Variants in GPC1 observed in about 807,000 individuals in gnomAD.
GPC1 encodes glypican-1.
In GPC1, 26 loss-of-function variants were observed where a neutral mutation model predicts 51.5. The observed-to-expected ratio is 0.50, with a 90% CI of 0.37 to 0.70. The LOEUF is 0.70. GPC1 is among the 30% of genes least tolerant of loss of function. The pLI is 0.00. For synonymous variants in GPC1, 380 were observed against 348.3 expected, an observed-to-expected ratio of 1.09 and a Z score of -1.01; for missense variants, 775 against 800.5, an observed-to-expected ratio of 0.97 and a Z score of 0.38.
chr2:240,453,673 C>T (rs1375248511), intron 1 of GPC1, among the ~76,000 whole-genome samples: 1 of 150,894 alleles, frequency 6.6e-6, no homozygotes, highest in Non-Finnish European at 1.5e-5. Context: ...CCCGCCGCGC[C>T]CACTGCACCA....
intron 2 of GPC1, 81 bp downstream of exon 2, chr2:240,459,269 G>A (rs1236843593): frequency 7.5e-7 from 1 of 1,330,790 alleles, no homozygotes; most frequent in African/African-American, 1.4e-5. Flanking sequence ...TGCCTGGTGT[G>A]TCAATGCCAA....
chr2:240,442,794 G>A (rs1158510681), intron 1 of GPC1, among the ~76,000 whole-genome samples: 1 of 152,234 alleles, frequency 6.6e-6, no homozygotes, highest in Non-Finnish European at 1.5e-5. Context: ...CCGAGGCTCT[G>A]GGTGTTTTGT....
chr2:240,454,491 C>G (rs913098110), intron 1 of GPC1, among the ~76,000 whole-genome samples: 104 of 152,350 alleles, frequency 6.8e-4, no homozygotes, highest in African/African-American at 2.5e-3. Flanking sequence ...TCGCAGCCAT[C>G]GGCCAGCCAG....
chr2:240,436,062 C>G lies in GPC1; in HGVS notation c.144C>G (p.Asp48Glu), dbSNP rs1338195937. 1.5e-6 allele frequency: 2 copies of G among 1,327,230 alleles called. No homozygotes were observed. Among genetic ancestry groups the G allele is most frequent in the Non-Finnish European group, 1.9e-6 (2 of 1,036,708 alleles). 82.2% of individuals were successfully genotyped at this position (1,327,230 alleles called of 1,614,324 possible). ...GAGCCAAGGGCTTCAGCCTGAGCGACGTGCCCCAGGCGGAGATCTCGGGTG... is the reference window on the plus strand; with the variant it reads ...GAGCCAAGGGCTTCAGCCTGAGCGAGGTGCCCCAGGCGGAGATCTCGGGTG... ...IYGAKGFSLS[D>E]VPQAEISGEH... Residue 48 changes from aspartate to glutamate, a missense_variant, in exon 1 of 9, where the codon GAC becomes GAG. Asp to Glu is a conservative substitution (Grantham distance 45). Coordinates refer to ENST00000264039, the MANE Select transcript of GPC1 (RefSeq NM_002081.3).
Position 240,464,604 on chromosome 2 carries a change from C to T in GPC1, c.884-12C>T, listed in dbSNP as rs371587359. 30 of 1,606,692 alleles carry T rather than the reference C, an allele frequency of 1.9e-5. No individual in the cohort carries two copies. The highest frequency in any genetic ancestry group is 4.1e-5 in the African/African-American group (3 of 73,956). Reference sequence around the variant, plus strand: ...TAACGCCTGTGTGTCCGCGTGTTAACGCCTGTCCTAGACTCCATGGTGCTC... The same window carrying T: ...TAACGCCTGTGTGTCCGCGTGTTAATGCCTGTCCTAGACTCCATGGTGCTC... On this transcript the variant is annotated splice_polypyrimidine_tract_variant and intron_variant, in intron 4 of 8. Transcript: ENST00000264039.
intron 1 of GPC1, chr2:240,456,717 G>T (rs1454359811): frequency 1.1e-5 from 5 of 439,252 alleles, no homozygotes; most frequent in Non-Finnish European, 2.4e-5. Context: ...CCTGGCACAG[G>T]CCCCAGGAAA....
At chr2:240,447,861 G>T (rs1336034252) in intron 1 of GPC1, among the ~76,000 whole-genome samples, 2 of 152,148 alleles carry the variant, frequency 1.3e-5, no homozygotes, top group Non-Finnish European at 2.9e-5. Context: ...GGCCAGGCTG[G>T]GGAGCCACAT....
chr2:240,445,005 G>A (rs918306505), intron 1 of GPC1, among the ~76,000 whole-genome samples: 1 of 152,194 alleles, frequency 6.6e-6, no homozygotes, highest in Non-Finnish European at 1.5e-5. Flanking sequence ...TGCATCTCCA[G>A]TTGTCATGGA....
At position 240,467,548 on chromosome 2, in the gene GPC1, C is replaced by T. The variant is rs3792212; in HGVS notation, c.*1258C>T. The T allele has an allele frequency of 0.35, 53,504 of 152,162 alleles. 9,861 individuals are homozygous for T. Among genetic ancestry groups the T allele is most frequent in the African/African-American group, 0.45 (18,734 of 41,466 alleles). The allele number at this position is 152,162 out of a possible 1,614,324, so 9.4% of individuals were successfully genotyped here. A position where few individuals can be genotyped will look rare whatever the true frequency, so the allele number is the denominator to read the frequency against. On this transcript the variant is annotated 3_prime_UTR_variant, in exon 9 of 9. Transcript: ENST00000264039. ...TCCCTCCTGTGCCCCAGCTGCCAGGCGGCCCTGGGGAGGGGTGGTGTGGTG... is the reference window on the plus strand; with the variant it reads ...TCCCTCCTGTGCCCCAGCTGCCAGGTGGCCCTGGGGAGGGGTGGTGTGGTG...
intron 1 of GPC1, chr2:240,456,542 G>C: frequency 4.3e-6 from 2 of 462,338 alleles, no homozygotes; most frequent in East Asian, 7.0e-5. Context: ...AGCTCAGCTG[G>C]CACCTGCCAC....
intron 1 of GPC1, among the ~76,000 whole-genome samples, chr2:240,454,052 T>C (rs755006403): frequency 2.3e-5 from 3 of 132,712 alleles, no homozygotes; most frequent in Admixed American, 1.5e-4. Flanking sequence ...GTCATTTGGG[T>C]GAAATGGTGG....
chr2:240,444,566 C>T (rs1273230322), intron 1 of GPC1, among the ~76,000 whole-genome samples: 3 of 152,058 alleles, frequency 2.0e-5, no homozygotes, highest in East Asian at 1.9e-4. Context: ...CTAGCCTCCC[C>T]GGCAGGGGTG....
At position 240,448,793 on chromosome 2, in the gene GPC1, C is replaced by T. The variant is rs7594508; in HGVS notation, c.167-10237C>T. 0.018 allele frequency among the ~76,000 whole-genome samples: 2,774 copies of T among 152,164 alleles called. 78 individuals are homozygous for T. The highest frequency in any genetic ancestry group is 0.064 in the African/African-American group (2,646 of 41,486). ...GGCCTTGCAGACACCAGCCCAGCTG[C>T]CTGAGGCCCAACTAGGTTTCAGCAG... On this transcript the variant is annotated intron_variant, in intron 1 of 8. Coordinates refer to ENST00000264039, the MANE Select transcript of GPC1 (RefSeq NM_002081.3). This position sits in a 1 kb window ranked among gnomAD's most constrained non-coding sequence, Gnocchi z 4.5.
chr2:240,459,972 CAGGA>C (rs1320775812), intron 2 of GPC1, among the ~76,000 whole-genome samples: 9 of 152,218 alleles, frequency 5.9e-5, no homozygotes, highest in Admixed American at 2.0e-4. Context: ...CCTGGGCAGA[CAGGA>C]GGGAGGGAGC....
rs770731949 is a variant in GPC1, at chr2:240,450,143, T to TC, written c.167-8883dup. 5.5e-5 allele frequency: 19 copies of TC among 342,646 alleles called. No homozygotes were observed. The East Asian group carries it at 8.6e-4, about 15-fold the overall frequency. 21.2% of individuals were successfully genotyped at this position (342,646 alleles called of 1,614,324 possible). On this transcript the variant is annotated intron_variant, in intron 1 of 8. Transcript: ENST00000264039. ...GGCCCCCGTGCTTTATCTGCACTCG[T>TC]CCCCTAATTGTGGCTGTGGGGCAGG...
rs2074205572 is a variant in GPC1 at position 240,460,313 on chromosome 2, C to A, written c.325+1125C>A. Reference sequence around the variant, plus strand: ...CCTCTGGGACTCTCCTTCCTCCTGCCCAGCTGGACCCGGGGAGCGAGCCCC... The same window carrying A: ...CCTCTGGGACTCTCCTTCCTCCTGCACAGCTGGACCCGGGGAGCGAGCCCC... On this transcript the variant is annotated intron_variant, in intron 2 of 8. Transcript: ENST00000264039. Among the ~76,000 whole-genome samples the A allele has an allele frequency of 2.0e-5, 3 of 152,114 alleles. No individual in the cohort carries two copies. In the South Asian group the frequency reaches 6.2e-4, roughly 31 times the overall value.
rs1393628144 is a variant in GPC1, at chr2:240,465,461, C to T, written c.1269-12C>T. The T allele has an allele frequency of 4.3e-6, 7 of 1,611,916 alleles. No individual in the cohort carries two copies. Among genetic ancestry groups the T allele is most frequent in the Admixed American group, 3.3e-5 (2 of 59,996 alleles). On this transcript the variant is annotated splice_polypyrimidine_tract_variant and intron_variant, in intron 7 of 8. Transcript: ENST00000264039. ...GGAGCAGTGACCTGGGCTCTGCCTG[C>T]CTTTCCCCCAGGTACCTCCCCGAGG... is the stretch of plus-strand genomic sequence containing the variant.
At chr2:240,459,753 A>G (rs2074200786) in intron 2 of GPC1, among the ~76,000 whole-genome samples, 1 of 152,156 alleles carries the variant, frequency 6.6e-6, no homozygotes, top group Admixed American at 6.5e-5. Context: ...CAGCTGCTGC[A>G]TTAGAGCCAC....
intron 1 of GPC1, among the ~76,000 whole-genome samples, chr2:240,447,241 G>A (rs748646883): frequency 1.3e-5 from 2 of 152,128 alleles, no homozygotes; most frequent in East Asian, 1.9e-4. Flanking sequence ...CCCCATGTTC[G>A]TTCCTCCCTC....
Sources: gnomAD v4.1 joint callset for allele counts (sites outside exome capture counted in the v4.1 genomes callset) on GRCh38, gnomAD v4.1.1 for gene constraint, Gnocchi (gnomAD v3.1) non-coding constraint, MANE v1.5 for transcripts, NCBI Gene and HGNC (gene_info 2026-07-23, HGNC 2026-07-21) for gene names.